PDZD2: variants seen among roughly 807,000 people sequenced by gnomAD.
The protein encoded by PDZD2 is PDZ domain containing 2.
In PDZD2, 90 loss-of-function variants were observed where a neutral mutation model predicts 220.7. That is an observed-to-expected ratio of 0.41 (90% CI 0.34 to 0.49). The LOEUF is 0.49. Among genes scored for constraint, PDZD2 ranks in the 20% least tolerant of loss-of-function variants. PDZD2 has a pLI of 0.28. For synonymous variants in PDZD2, 1,375 were observed against 1,450.5 expected (o/e 0.95, Z 1.18); for missense variants, 3,174 against 3,608.5 (o/e 0.88, Z 3.08).
chr5:31,800,871 C>T (rs898031884), intron 2 of PDZD2, among the ~76,000 whole-genome samples: 7 of 152,202 alleles, frequency 4.6e-5, no homozygotes, highest in East Asian at 1.9e-4. Context: ...CCTTGAGAAA[C>T]GTAGTGACCT....
intron 2 of PDZD2, among the ~76,000 whole-genome samples, chr5:31,977,954 A>G (rs1422943483): frequency 6.6e-6 from 1 of 152,206 alleles, no homozygotes; most frequent in Non-Finnish European, 1.5e-5. Flanking sequence ...AGCCTGGGCA[A>G]CAGAGTGAGA....
chr5:32,031,487 G>A (rs569529699), intron 6 of PDZD2, among the ~76,000 whole-genome samples: 113 of 152,258 alleles, frequency 7.4e-4, no homozygotes, highest in South Asian at 1.9e-3. Flanking sequence ...TGGCTTCTTA[G>A]CTGTGAGTTT....
chr5:32,054,312 C>CTTTTTTTTTTTTTTTTT (rs57135705), intron 10 of PDZD2, among the ~76,000 whole-genome samples: 1 of 69,352 alleles, frequency 1.4e-5, no homozygotes, highest in African/African-American at 5.4e-5. Flanking sequence ...AAATGAACAT[C>CTTTTTTTTTTTTTTTTT]TTTTTTTTTT....
intron 1 of PDZD2, among the ~76,000 whole-genome samples, chr5:31,654,793 G>C (rs1745484211): frequency 6.6e-6 from 1 of 152,132 alleles, no homozygotes; most frequent in African/African-American, 2.4e-5. Flanking sequence ...ATTCTCAACA[G>C]AGCAGGCAGA....
At chr5:31,948,198 G>A (rs563562773) in intron 2 of PDZD2, among the ~76,000 whole-genome samples, 2 of 152,234 alleles carry the variant, frequency 1.3e-5, no homozygotes, top group East Asian at 1.9e-4. Context: ...TGCCCTTTTT[G>A]TGGTGGCTTT....
chr5:31,835,829 T>A (rs1398589003), intron 2 of PDZD2, among the ~76,000 whole-genome samples: 1 of 152,150 alleles, frequency 6.6e-6, no homozygotes, highest in Non-Finnish European at 1.5e-5. Flanking sequence ...ACCTAACACC[T>A]AGTGAAAACT....
At position 31,905,979 on chromosome 5, in the gene PDZD2, C is replaced by A. The variant is rs1742603157; in HGVS notation, c.477-77176C>A. Among the ~76,000 whole-genome samples, 6 of 151,210 alleles carry A rather than the reference C, an allele frequency of 4.0e-5. No homozygotes were observed. In the South Asian group the frequency reaches 1.3e-3, roughly 32 times the overall value. ...GGTTTTTAAGTGTGTGTATGTGTTG[C>A]TAAGAGTGAAATTGAGGTTATTTTA... On this transcript the variant is annotated intron_variant, in intron 2 of 24. Transcript: ENST00000438447.
At chr5:31,700,735 A>T (rs1398506356) in intron 1 of PDZD2, among the ~76,000 whole-genome samples, 1 of 152,242 alleles carries the variant, frequency 6.6e-6, no homozygotes, top group Non-Finnish European at 1.5e-5. Flanking sequence ...GGGAAGAAGG[A>T]TAGGACATTT....
At chr5:31,743,092 C>G (rs1750365595) in intron 1 of PDZD2, among the ~76,000 whole-genome samples, 1 of 152,114 alleles carries the variant, frequency 6.6e-6, no homozygotes, top group African/African-American at 2.4e-5. Flanking sequence ...TGAATTCTGC[C>G]ATACATACAT....
intron 2 of PDZD2, among the ~76,000 whole-genome samples, chr5:31,812,256 C>T (rs925702533): frequency 1.4e-4 from 21 of 151,874 alleles, no homozygotes; most frequent in Non-Finnish European, 2.8e-4. Flanking sequence ...AAGATCCATG[C>T]GTAAGAGGAA....
intron 2 of PDZD2, among the ~76,000 whole-genome samples, chr5:31,969,640 T>TG (rs1348807345): frequency 6.6e-6 from 1 of 150,926 alleles, no homozygotes; most frequent in Admixed American, 6.6e-5. Flanking sequence ...GAAGTGGGCA[T>TG]GAGGGATCTT....
chr5:31,698,128 C>G (rs184463119), intron 1 of PDZD2, among the ~76,000 whole-genome samples: 3 of 147,870 alleles, frequency 2.0e-5, no homozygotes, highest in Admixed American at 2.0e-4. Flanking sequence ...AGGACGGTCT[C>G]GATCTCTTGA....
chr5:32,094,335 C>T (rs558725321), intron 21 of PDZD2, among the ~76,000 whole-genome samples: 43 of 152,202 alleles, frequency 2.8e-4, no homozygotes, highest in Middle Eastern at 3.4e-3. Flanking sequence ...TGGGGCTATA[C>T]GTAGAGATTT....
intron 5 of PDZD2, among the ~76,000 whole-genome samples, chr5:32,003,151 AC>A (rs1482869232): frequency 1.9e-4 from 2 of 10,270 alleles, no homozygotes; most frequent in Non-Finnish European, 1.9e-3. Context: ...CACACCACAC[AC>A]CACCAACACA....
chr5:31,709,356 T>C (rs1040834587), intron 1 of PDZD2, among the ~76,000 whole-genome samples: 1 of 151,516 alleles, frequency 6.6e-6, no homozygotes, highest in Admixed American at 6.6e-5. Context: ...GGCATGGTGG[T>C]GCATGCCTGT....
chr5:31,886,698 GTCTCTTT>G (rs1561542365), intron 2 of PDZD2, among the ~76,000 whole-genome samples: 2 of 118,098 alleles, frequency 1.7e-5, no homozygotes, highest in African/African-American at 8.4e-5. Context: ...ACTTGTCTCT[GTCTCTTT>G]TTTTTTTTTT....
intron 19 of PDZD2, among the ~76,000 whole-genome samples, chr5:32,086,923 A>G (rs188326355): frequency 0.026 from 3,769 of 145,968 alleles, 69 homozygotes; most frequent in Non-Finnish European, 0.042. Context: ...TCCTGACCTC[A>G]GGTGATCCAC....
rs747542045 is a variant in PDZD2 at position 32,074,457 on chromosome 5, G to A, written c.3351G>A (p.Arg1117=). 9 of 1,614,078 alleles carry A rather than the reference G, an allele frequency of 5.6e-6. No homozygotes were observed. In the South Asian group the frequency reaches 9.9e-5, roughly 18 times the overall value. The change falls in exon 18 of 25, where the codon AGG becomes AGA. Residue 1117 remains arginine, a synonymous_variant. Coordinates refer to ENST00000438447, the MANE Select transcript of PDZD2 (RefSeq NM_178140.4). ...AGAAAAGTGAAGGCCTGGGCTCCAGGCACAGACCAGTGGCCAGGGTAAGCC... is the reference window on the plus strand; with the variant it reads ...AGAAAAGTGAAGGCCTGGGCTCCAGACACAGACCAGTGGCCAGGGTAAGCC... ...PQQKSEGLGS[R]HRPVARVSPH...
At chr5:31,790,391 C>T (rs1753632386) in intron 1 of PDZD2, among the ~76,000 whole-genome samples, 1 of 152,222 alleles carries the variant, frequency 6.6e-6, no homozygotes. Context: ...AGCCACCGCT[C>T]CTGGCCCCGG....
Sources: allele counts gnomAD v4.1 joint callset (sites outside exome capture counted in the v4.1 genomes callset), GRCh38; gene constraint gnomAD v4.1.1; transcripts MANE v1.5; gene names NCBI Gene and HGNC (gene_info 2026-07-23, HGNC 2026-07-21).